TEK: variants seen among roughly 807,000 people sequenced by gnomAD.
TEK encodes TEK receptor tyrosine kinase, also known as angiopoietin-1 receptor.
Under a neutral mutation model 131.8 loss-of-function variants are expected in TEK, and 43 were observed. The ratio of observed to expected loss-of-function variants is 0.33; its 90% CI spans 0.26 to 0.42. TEK has a LOEUF of 0.42. Ranked by LOEUF, TEK falls within the 10% of genes least tolerant of loss-of-function variation. The pLI, the probability that TEK is intolerant of heterozygous loss-of-function variation, is 1.00. For missense variants in TEK, 1,162 were observed against 1,384.4 expected, an observed-to-expected ratio of 0.84 and a Z score of 2.55; for synonymous variants, 580 against 491.6, an observed-to-expected ratio of 1.18 and a Z score of -2.38.
intron 2 of TEK, among the ~76,000 whole-genome samples, chr9:27,162,459 A>G (rs567531049): frequency 1.3e-5 from 2 of 152,358 alleles, no homozygotes; most frequent in South Asian, 4.1e-4. Flanking sequence ...GAAATTATAT[A>G]TAAAGTTTGA....
chr9:27,218,479 T>A (rs1486093200), intron 19 of TEK, among the ~76,000 whole-genome samples: 1 of 152,180 alleles, frequency 6.6e-6, no homozygotes, highest in African/African-American at 2.4e-5. Context: ...GAGATTGGAT[T>A]TAACTCAGAT....
intron 14 of TEK, among the ~76,000 whole-genome samples, 174 bp from the exon 15 acceptor site, chr9:27,206,408 G>A (rs899240952): frequency 2.0e-5 from 3 of 152,160 alleles, no homozygotes; most frequent in Non-Finnish European, 2.9e-5. Context: ...CAGCCCTGTG[G>A]GCAGCTGGTT....
intron 1 of TEK, among the ~76,000 whole-genome samples, chr9:27,139,612 C>A (rs1456946899): frequency 1.3e-5 from 2 of 152,004 alleles, no homozygotes; most frequent in African/African-American, 4.8e-5. Flanking sequence ...GCGTGAGACA[C>A]CATGCCTGGC....
intron 21 of TEK, among the ~76,000 whole-genome samples, chr9:27,224,600 C>T (rs148278897): frequency 1.4e-4 from 22 of 152,272 alleles, no homozygotes; most frequent in South Asian, 1.0e-3. Context: ...ATTGATGGAA[C>T]GTATCTCAAA....
At chr9:27,169,383 C>A in intron 3 of TEK, 94 bp from the exon 4 acceptor site, 1 of 1,540,952 alleles carries the variant, frequency 6.5e-7, no homozygotes, top group Non-Finnish European at 8.9e-7. Context: ...TTTTCTTGAC[C>A]ATGTCAGGGA....
chr9:27,127,880 C>G (rs1020078532), intron 1 of TEK, among the ~76,000 whole-genome samples: 1 of 152,026 alleles, frequency 6.6e-6, no homozygotes, highest in Non-Finnish European at 1.5e-5. Context: ...ATATTAACCC[C>G]TTGTCAGAAG....
chr9:27,220,016 A>T, intron 20 of TEK, 33 bp from the exon 21 acceptor site: 1 of 1,605,182 alleles, frequency 6.2e-7, no homozygotes, highest in South Asian at 1.1e-5. Flanking sequence ...TTCATGCCAG[A>T]GAGGACTTAG....
At chr9:27,204,842 C>A in intron 13 of TEK, 69 bp from the exon 14 acceptor site, 1 of 1,603,364 alleles carries the variant, frequency 6.2e-7, no homozygotes. Flanking sequence ...TGTCTTCTCC[C>A]ACATACGGTG....
intron 1 of TEK, among the ~76,000 whole-genome samples, chr9:27,121,575 A>G (rs995042126): frequency 2.0e-5 from 3 of 151,366 alleles, no homozygotes; most frequent in African/African-American, 7.3e-5. Context: ...AATTATTTAC[A>G]TATATAAACA....
chr9:27,222,284 C>A (rs474135), intron 21 of TEK, among the ~76,000 whole-genome samples: 129,797 of 152,200 alleles, frequency 0.85, 55,629 homozygotes, highest in East Asian at 1. Context: ...GTTGGAAAAC[C>A]CTCTTCAGGA....
chr9:27,139,780 G>C (rs1383491061), intron 1 of TEK, among the ~76,000 whole-genome samples: 1 of 152,148 alleles, frequency 6.6e-6, no homozygotes, highest in Non-Finnish European at 1.5e-5. Context: ...TGAGTTGAGA[G>C]GGAGAGGAAG....
At position 27,195,494 on chromosome 9, in the gene TEK, C is replaced by A. The variant is rs184600634; in HGVS notation, c.1625-1821C>A. On this transcript the variant is annotated intron_variant, in intron 11 of 22. Coordinates refer to ENST00000380036, the MANE Select transcript of TEK (RefSeq NM_000459.5). ...GTCCTCTGTAAACAATTGTAGTAAT[C>A]TGAAATTTTCTCATACACTAAGAAC... 9.9e-4 allele frequency among the ~76,000 whole-genome samples: 150 copies of A among 152,272 alleles called. 2 individuals carry two copies. In the South Asian group the frequency reaches 0.011, roughly 11 times the overall value.
intron 2 of TEK, among the ~76,000 whole-genome samples, chr9:27,165,761 G>A (rs1823705976): frequency 6.6e-6 from 1 of 152,172 alleles, no homozygotes; most frequent in South Asian, 2.1e-4. Context: ...TCCAGCGCTC[G>A]CACTGCTGGA....
intron 21 of TEK, among the ~76,000 whole-genome samples, chr9:27,221,523 G>C (rs1564109532): frequency 6.7e-6 from 1 of 150,264 alleles, no homozygotes; most frequent in Non-Finnish European, 1.5e-5. Flanking sequence ...TCTTATACAG[G>C]ACAGCTCTGG....
chr9:27,218,628 C>T, intron 19 of TEK, 149 bp from the exon 20 acceptor site: 1 of 782,766 alleles, frequency 1.3e-6, no homozygotes, highest in Non-Finnish European at 2.2e-6. Flanking sequence ...AGGAGAGAAA[C>T]CTACACTGTG....
Position 27,185,646 on chromosome 9 carries a change from G to GA in TEK, c.1327+22dup, listed in dbSNP as rs1490991660. ...CTGTTAAAGGTAAGTTCATTTCCCAGAAAAAGGGATTGTGTCCTTGATGCA... is the reference window on the plus strand; with the variant it reads ...CTGTTAAAGGTAAGTTCATTTCCCAGAAAAAAGGGATTGTGTCCTTGATGCA... On this transcript the variant is annotated intron_variant, in intron 9 of 22. Coordinates refer to ENST00000380036, the MANE Select transcript of TEK (RefSeq NM_000459.5). 1 of 1,613,262 alleles carries GA rather than the reference G, an allele frequency of 6.2e-7. No individual in the cohort carries two copies. The highest frequency in any genetic ancestry group is 1.3e-5 in the African/African-American group (1 of 74,878).
Position 27,204,987 on chromosome 9 carries a change from G to A in TEK, c.2286G>A (p.Val762=). 1 of 1,614,076 alleles carries A rather than the reference G, an allele frequency of 6.2e-7. No individual in the cohort carries two copies. The highest frequency in any genetic ancestry group is 8.5e-7 in the Non-Finnish European group (1 of 1,179,960). ...CTGCTGGAATGACCTGCCTGACTGT[G>A]CTGTTGGCCTTTCTGATCATATTGC... The part of the protein sequence containing the change: ...LGSAGMTCLT[V]LLAFLIILQL... The change falls in exon 14 of 23, where the codon GTG becomes GTA. Residue 762 remains valine (V), a synonymous_variant. Transcript: ENST00000380036.
chr9:27,159,757 A>T (rs1823475113), intron 2 of TEK, among the ~76,000 whole-genome samples: 1 of 152,320 alleles, frequency 6.6e-6, no homozygotes, highest in South Asian at 2.1e-4. Context: ...ATAAGGTTCC[A>T]GTCCTGGACA....
chr9:27,112,626 T>A (rs1821391040), intron 1 of TEK, among the ~76,000 whole-genome samples: 2 of 152,138 alleles, frequency 1.3e-5, no homozygotes, highest in African/African-American at 4.8e-5. Flanking sequence ...GGGCTCTAAA[T>A]TCTTCTGAAA....
Sources: allele counts gnomAD v4.1 joint callset (sites outside exome capture counted in the v4.1 genomes callset), GRCh38; gene constraint gnomAD v4.1.1; transcripts MANE v1.5; gene names NCBI Gene and HGNC (gene_info 2026-07-23, HGNC 2026-07-21).